The following TMEM132D variants were observed in gnomAD, a reference collection of about 807,000 sequenced individuals.
The protein encoded by TMEM132D is mature OL transmembrane protein.
TMEM132D carries 21 observed loss-of-function variants against 62.3 expected under a neutral mutation model. That is an observed-to-expected ratio of 0.34 (90% confidence interval 0.24 to 0.49). The LOEUF is 0.49. Ranked by LOEUF, TMEM132D falls within the 20% of genes least tolerant of loss-of-function variation. The probability of loss-of-function intolerance (pLI) is 0.99; values close to 1 mark genes in which losing one functional copy is unlikely to be tolerated. For missense variants in TMEM132D, 1,346 were observed against 1,402.8 expected (o/e 0.96, Z 0.65); for synonymous variants, 621 against 575.6 (o/e 1.08, Z -1.13).
chr12:129,080,145 G>A (rs1400839678), intron 7 of TMEM132D, among the ~76,000 whole-genome samples: 1 of 152,194 alleles, frequency 6.6e-6, no homozygotes, highest in Non-Finnish European at 1.5e-5. Flanking sequence ...TGTTTTGTCT[G>A]ACATAAATCA....
intron 4 of TMEM132D, among the ~76,000 whole-genome samples, chr12:129,284,265 G>T (rs1881234220): frequency 2.0e-5 from 3 of 152,216 alleles, no homozygotes; most frequent in Admixed American, 2.0e-4. Flanking sequence ...GACCTTCAGG[G>T]ACATTTCGGT....
chr12:129,207,246 G>GATGAC (rs1428385036), intron 5 of TMEM132D, among the ~76,000 whole-genome samples: 3 of 151,682 alleles, frequency 2.0e-5, no homozygotes, highest in African/African-American at 7.3e-5. Context: ...ACAGTCAGAA[G>GATGAC]ATGAATACAG....
chr12:129,081,472 GTATTTT>G (rs1702553010), intron 7 of TMEM132D, among the ~76,000 whole-genome samples: 1 of 152,032 alleles, frequency 6.6e-6, no homozygotes, highest in Non-Finnish European at 1.5e-5. Flanking sequence ...GTAATTTTTT[GTATTTT>G]TGGTAGAGAT....
intron 1 of TMEM132D, among the ~76,000 whole-genome samples, chr12:129,792,565 G>A (rs1871431237): frequency 6.6e-6 from 1 of 152,160 alleles, no homozygotes; most frequent in Non-Finnish European, 1.5e-5. Context: ...GGAAACAAAT[G>A]AGACACAGTG....
At chr12:129,711,558 G>A (rs546607137) in intron 1 of TMEM132D, among the ~76,000 whole-genome samples, 6 of 151,672 alleles carry the variant, frequency 4.0e-5, no homozygotes, top group South Asian at 2.1e-4. Flanking sequence ...AAACCCCATA[G>A]CTACTAAAAA....
At chr12:129,598,029 G>A (rs2137140347) in intron 2 of TMEM132D, among the ~76,000 whole-genome samples, 1 of 152,018 alleles carries the variant, frequency 6.6e-6, no homozygotes, top group Non-Finnish European at 1.5e-5. Context: ...TAGGAACCCA[G>A]CCATGACATA....
chr12:129,134,140 G>C (rs1450838780), intron 5 of TMEM132D, among the ~76,000 whole-genome samples: 1 of 150,522 alleles, frequency 6.6e-6, no homozygotes, highest in African/African-American at 2.4e-5. Flanking sequence ...GTGTCTGTGT[G>C]TGTGTGTCTG....
chr12:129,147,052 G>C (rs1876920204), intron 5 of TMEM132D, among the ~76,000 whole-genome samples: 1 of 152,050 alleles, frequency 6.6e-6, no homozygotes, highest in Non-Finnish European at 1.5e-5. Context: ...CTGAAGAGTA[G>C]CAAGAATAAT....
Position 129,078,608 on chromosome 12 carries a change from G to C in TMEM132D, c.2041C>G (p.Gln681Glu). 8.1e-6 allele frequency: 13 copies of C among 1,614,186 alleles called. No homozygotes were observed. Among genetic ancestry groups the C allele is most frequent in the Non-Finnish European group, 1.1e-5 (13 of 1,180,038 alleles). The part of the protein sequence containing the change: ...QLVTGLSLSL[Q>E]LSPGSNRAIF... The stretch of plus-strand genomic sequence containing the variant: ...GCCCTGTTGCTTCCTGGGCTGAGCT[G>C]CAAGGAGAGTGACAGCCCTGTCACC... The change falls in exon 8 of 9, where the codon CAG becomes GAG. Residue 681 changes from glutamine to glutamate, a missense_variant. Gln to Glu is a conservative substitution (Grantham distance 29). Coordinates refer to ENST00000422113, the MANE Select transcript of TMEM132D (RefSeq NM_133448.3).
intron 3 of TMEM132D, among the ~76,000 whole-genome samples, chr12:129,499,404 A>C (rs1271536886): frequency 6.6e-6 from 1 of 152,246 alleles, no homozygotes; most frequent in East Asian, 1.9e-4. Context: ...GAAAGCCATG[A>C]ATATGAGATA....
intron 1 of TMEM132D, among the ~76,000 whole-genome samples, chr12:129,790,479 G>C (rs1188130487): frequency 5.3e-5 from 8 of 152,112 alleles, no homozygotes; most frequent in Non-Finnish European, 1.0e-4. Flanking sequence ...CCCGGAGTAG[G>C]GCTGTCCCCG....
At chr12:129,305,569 T>C (rs1300738259) in intron 4 of TMEM132D, among the ~76,000 whole-genome samples, 2 of 152,200 alleles carry the variant, frequency 1.3e-5, no homozygotes, top group Non-Finnish European at 2.9e-5. Context: ...AAATGTATGG[T>C]ATACTTAAAA....
At chr12:129,460,722 C>T (rs533084776) in intron 3 of TMEM132D, among the ~76,000 whole-genome samples, 10 of 152,300 alleles carry the variant, frequency 6.6e-5, no homozygotes, top group African/African-American at 2.2e-4. Context: ...TCTCTGAAGA[C>T]AGAGTGCTAT....
At chr12:129,530,710 T>C (rs568547959) in intron 3 of TMEM132D, among the ~76,000 whole-genome samples, 1 of 152,224 alleles carries the variant, frequency 6.6e-6, no homozygotes, top group Non-Finnish European at 1.5e-5. Context: ...ACTTGCAAAA[T>C]GGGCCGTTTC....
At chr12:129,875,748 GC>G (rs1874398945) in intron 1 of TMEM132D, among the ~76,000 whole-genome samples, 2 of 152,144 alleles carry the variant, frequency 1.3e-5, no homozygotes, top group African/African-American at 4.8e-5. Context: ...GAGAATGCCA[GC>G]CCAGCCAGGG....
chr12:129,210,384 T>G (rs1238160441), intron 4 of TMEM132D: 1 of 152,330 alleles, frequency 6.6e-6, no homozygotes, highest in African/African-American at 2.4e-5. Context: ...CCTCCAGACG[T>G]GTCTGGAATG....
At chr12:129,349,675 C>G (rs976705160) in intron 3 of TMEM132D, among the ~76,000 whole-genome samples, 1 of 152,128 alleles carries the variant, frequency 6.6e-6, no homozygotes, top group Non-Finnish European at 1.5e-5. Flanking sequence ...TGGCAAAGAT[C>G]GGCAAGTAGG....
intron 2 of TMEM132D, among the ~76,000 whole-genome samples, chr12:129,685,996 T>C (rs1299501149): frequency 6.6e-6 from 1 of 152,218 alleles, no homozygotes; most frequent in Non-Finnish European, 1.5e-5. Flanking sequence ...GTACCTCCAT[T>C]GTATCTAAGT....
At chr12:129,265,374 C>T (rs1880657974) in intron 4 of TMEM132D, among the ~76,000 whole-genome samples, 1 of 152,130 alleles carries the variant, frequency 6.6e-6, no homozygotes, top group African/African-American at 2.4e-5. Context: ...GCCAAGGTGG[C>T]TCTTGAAAAT....
Sources: allele counts gnomAD v4.1 joint callset (sites outside exome capture counted in the v4.1 genomes callset), GRCh38; gene constraint gnomAD v4.1.1; transcripts MANE v1.5; gene names NCBI Gene and HGNC (gene_info 2026-07-23, HGNC 2026-07-21).